RRH: variants seen among roughly 807,000 people sequenced by gnomAD.
RRH encodes the protein retinal pigment epithelium-derived rhodopsin homolog, also known as visual pigment-like receptor peropsin.
Under a neutral mutation model 33.1 loss-of-function variants are expected in RRH, and 36 were observed. That is an observed-to-expected ratio of 1.09 (90% CI 0.83 to 1.44). The LOEUF (loss-of-function observed/expected upper bound fraction) is 1.44. Among genes scored for constraint, RRH ranks in the 40% most tolerant of loss-of-function variants. The probability of loss-of-function intolerance (pLI) is 0.00; values close to 1 mark genes in which losing one functional copy is unlikely to be tolerated. For missense variants in RRH, 393 were observed against 420.2 expected, an observed-to-expected ratio of 0.94 and a Z score of 0.57; for synonymous variants, 124 against 140.2, an observed-to-expected ratio of 0.88 and a Z score of 0.82.
chr4:109,837,294 A>G (rs1360868891), intron 4 of RRH, 143 bp from the exon 5 acceptor site: 17 of 794,978 alleles, frequency 2.1e-5, no homozygotes, highest in Non-Finnish European at 3.3e-5. Context: ...CCGGGCCTAA[A>G]TAAACTAAAA....
chr4:109,835,516 C>T, intron 3 of RRH, 51 bp downstream of exon 3: 1 of 1,201,198 alleles, frequency 8.3e-7, no homozygotes, highest in Non-Finnish European at 1.2e-6. Flanking sequence ...TGACTAATGG[C>T]CACTCAATAT....
intron 6 of RRH, 46 bp from the exon 7 acceptor site, chr4:109,844,037 C>A: frequency 8.0e-7 from 1 of 1,253,664 alleles, no homozygotes. Flanking sequence ...TTTAGAAGTT[C>A]CAAATCATTA....
At chr4:109,837,982 T>C (rs1456635690) in intron 5 of RRH, among the ~76,000 whole-genome samples, 1 of 152,198 alleles carries the variant, frequency 6.6e-6, no homozygotes, top group Non-Finnish European at 1.5e-5. Context: ...TTTCACCATG[T>C]TGGGCCAGGC....
intron 1 of RRH, among the ~76,000 whole-genome samples, chr4:109,832,038 G>C (rs1733766876): frequency 6.6e-6 from 1 of 151,700 alleles, no homozygotes; most frequent in African/African-American, 2.4e-5. Context: ...GTTGGGGATT[G>C]ATCACCAAGT....
chr4:109,843,039 G>A (rs1436256674), intron 6 of RRH, among the ~76,000 whole-genome samples: 1 of 152,198 alleles, frequency 6.6e-6, no homozygotes, highest in Non-Finnish European at 1.5e-5. Context: ...ACTGGAAAAT[G>A]GACAAGGCAA....
At chr4:109,838,836 T>A (rs1314974099) in intron 5 of RRH, among the ~76,000 whole-genome samples, 1 of 152,174 alleles carries the variant, frequency 6.6e-6, no homozygotes, top group Non-Finnish European at 1.5e-5. Flanking sequence ...TCTAGTTTTC[T>A]GAAAATGTAT....
chr4:109,836,145 G>A lies in RRH; in HGVS notation c.536G>A (p.Trp179Ter). Residue 179 changes from tryptophan to a stop codon, truncating the protein, a stop_gained, in exon 4 of 7, where the codon TGG becomes TAG. Transcript: ENST00000317735. LOFTEE classifies it high-confidence loss of function. ...ACTGGTGCTACGTGTACCATAAACT[G>A]GAGGAAAAATGATAGGTAAGAGACA... ...DPTGATCTIN[W>*]RKNDRSFVSY... 6.2e-7 allele frequency: 1 copy of A among 1,614,124 alleles called. No homozygotes were observed. The highest frequency in any genetic ancestry group is 2.2e-5 in the East Asian group (1 of 44,874).
chr4:109,836,571 C>G (rs905834134), intron 4 of RRH, among the ~76,000 whole-genome samples: 6 of 152,194 alleles, frequency 3.9e-5, no homozygotes, highest in African/African-American at 1.4e-4. Flanking sequence ...GTCTGGTGTT[C>G]CAGCACATTC....
At chr4:109,834,841 C>A (rs1477607391) in intron 2 of RRH, among the ~76,000 whole-genome samples, 1 of 152,182 alleles carries the variant, frequency 6.6e-6, no homozygotes, top group Non-Finnish European at 1.5e-5. Flanking sequence ...ACATCTATTA[C>A]TCCACATTCT....
chr4:109,828,913 C>T (rs1480429142), intron 1 of RRH, among the ~76,000 whole-genome samples: 1 of 151,956 alleles, frequency 6.6e-6, no homozygotes, highest in African/African-American at 2.4e-5. Context: ...TCCCTTTCCT[C>T]CCTACACACT....
intron 2 of RRH, among the ~76,000 whole-genome samples, chr4:109,834,300 C>T (rs375036383): frequency 3.4e-4 from 50 of 147,844 alleles, no homozygotes; most frequent in African/African-American, 1.2e-3. Context: ...CTTATTGGAC[C>T]TTTGTTGCCA....
Position 109,833,230 on chromosome 4 carries a change from C to A in RRH, c.198C>A (p.Asn66Lys), listed in dbSNP as rs767318574. Residue 66 changes from asparagine (N) to lysine (K), a missense_variant, in exon 2 of 7, where the codon AAC becomes AAA. Physicochemically the swap from Asn to Lys is moderately conservative, Grantham distance 94. Coordinates refer to ENST00000317735, the MANE Select transcript of RRH (RefSeq NM_006583.5). ...CACCCACAAATGCAATTATTATTAA[C>A]CTGGCTGTTACTGATATAGGGGTCA... ...LRTPTNAIII[N>K]LAVTDIGVSS... 2 of 1,613,772 alleles carry A rather than the reference C, an allele frequency of 1.2e-6. No homozygotes were observed. Among genetic ancestry groups the A allele is most frequent in the Admixed American group, 3.3e-5 (2 of 60,014 alleles).
chr4:109,837,386 C>G (rs775813100), intron 4 of RRH, 51 bp from the exon 5 acceptor site: 33 of 1,460,132 alleles, frequency 2.3e-5, no homozygotes, highest in Non-Finnish European at 3.1e-5. Flanking sequence ...TTCTCCTTCC[C>G]CCACTTAGGA....
At chr4:109,839,060 T>C (rs2125893903) in intron 5 of RRH, among the ~76,000 whole-genome samples, 1 of 152,018 alleles carries the variant, frequency 6.6e-6, no homozygotes, top group South Asian at 2.1e-4. Context: ...TCTTAAATTT[T>C]CTCTCCTATA....
chr4:109,839,623 C>T (rs1239692141), intron 5 of RRH, among the ~76,000 whole-genome samples: 2 of 152,158 alleles, frequency 1.3e-5, no homozygotes, highest in South Asian at 2.1e-4. Context: ...TCCCTCTACC[C>T]TTCAACAAGC....
In RRH at chr4:109,833,155, C is replaced by T. The variant is rs755996522; in HGVS notation, c.123C>T (p.Ile41=). The T allele has an allele frequency of 2.0e-5, 32 of 1,612,416 alleles. No individual in the cohort carries two copies. The highest frequency in any genetic ancestry group is 1.7e-5 in the Admixed American group (1 of 59,992). Residue 41 remains isoleucine, a synonymous_variant, in exon 2 of 7, where the codon ATC becomes ATT. Transcript: ENST00000317735. ...TGTTCTCAGGTATGATAAGTATTAT[C>T]AGCAACATAATAGTTCTGGGCATCT... The part of the protein sequence containing the change: ...YLIMAGMISI[I]SNIIVLGIFI...
chr4:109,835,559 G>A (rs1733864450), intron 3 of RRH, 94 bp downstream of exon 3: 2 of 891,862 alleles, frequency 2.2e-6, no homozygotes, highest in South Asian at 2.7e-5. Flanking sequence ...CTAATGGTTT[G>A]TAGTTAGGGT....
intron 5 of RRH, among the ~76,000 whole-genome samples, chr4:109,838,690 A>T (rs569137009): frequency 1.3e-5 from 2 of 152,322 alleles, no homozygotes; most frequent in African/African-American, 4.8e-5. Flanking sequence ...TAATATTCAA[A>T]GAGTTTTGAA....
chr4:109,840,525 A>C (rs1733965513), intron 5 of RRH, among the ~76,000 whole-genome samples: 1 of 152,076 alleles, frequency 6.6e-6, no homozygotes. Context: ...TGGCATCTTC[A>C]TCATGAAATC....
Sources: allele counts gnomAD v4.1 joint callset (sites outside exome capture counted in the v4.1 genomes callset), GRCh38; gene constraint gnomAD v4.1.1; transcripts MANE v1.5; gene names NCBI Gene and HGNC (gene_info 2026-07-23, HGNC 2026-07-21).